Variants in BRINP3 observed in about 807,000 individuals in gnomAD.
BRINP3 encodes the protein BMP/retinoic acid-inducible neural-specific protein 3.
BRINP3 carries 19 observed loss-of-function variants against 71.0 expected under a neutral mutation model. The ratio of observed to expected loss-of-function variants is 0.27; its 90% CI spans 0.19 to 0.39. The LOEUF is 0.39. Among genes scored for constraint, BRINP3 ranks in the 10% least tolerant of loss-of-function variants. The pLI, the probability that BRINP3 is intolerant of heterozygous loss-of-function variation, is 1.00. For missense variants in BRINP3, 959 were observed against 940.8 expected, an observed-to-expected ratio of 1.02 and a Z score of -0.25; for synonymous variants, 380 against 337.7, an observed-to-expected ratio of 1.13 and a Z score of -1.37.
intron 6 of BRINP3, among the ~76,000 whole-genome samples, chr1:190,185,894 C>T (rs1258795662): frequency 1.3e-5 from 2 of 151,996 alleles, no homozygotes; most frequent in Non-Finnish European, 2.9e-5. Flanking sequence ...TATCATCCTT[C>T]TAGCTATTTG....
chr1:190,410,072 A>G (rs1672565532), intron 2 of BRINP3, among the ~76,000 whole-genome samples: 1 of 149,690 alleles, frequency 6.7e-6, no homozygotes, highest in Non-Finnish European at 1.5e-5. Flanking sequence ...TTCTTTATTT[A>G]TCCTTTGCTC....
intron 2 of BRINP3, among the ~76,000 whole-genome samples, chr1:190,446,283 G>T (rs1004601948): frequency 6.6e-6 from 1 of 151,958 alleles, no homozygotes; most frequent in African/African-American, 2.4e-5. Context: ...TTATTAATGT[G>T]TTTTGATGAT....
chr1:190,160,838 T>A lies in BRINP3; in HGVS notation c.1014A>T (p.Thr338=). Reference sequence around the variant, plus strand: ...TTGTCCACAAATGCATTATAGTAGATGTGTTGAGGAAATAATTCATAGGTA... The same window carrying A: ...TTGTCCACAAATGCATTATAGTAGAAGTGTTGAGGAAATAATTCATAGGTA... ...KRLPMNYFLN[T]STIMHLWTMD... Residue 338 remains threonine (T), a synonymous_variant, in exon 7 of 8, where the codon ACA becomes ACT. Coordinates refer to ENST00000367462, the MANE Select transcript of BRINP3 (RefSeq NM_199051.3). 1 of 1,613,324 alleles carries A rather than the reference T, an allele frequency of 6.2e-7. No individual in the cohort carries two copies. The highest frequency in any genetic ancestry group is 8.5e-7 in the Non-Finnish European group (1 of 1,179,588).
chr1:190,427,154 A>G (rs1447413899), intron 2 of BRINP3, among the ~76,000 whole-genome samples: 1 of 151,910 alleles, frequency 6.6e-6, no homozygotes, highest in Admixed American at 6.6e-5. Flanking sequence ...TCTAATTTCT[A>G]TGGGTATGAA....
chr1:190,341,884 C>T (rs548301165), intron 2 of BRINP3, among the ~76,000 whole-genome samples: 2 of 151,816 alleles, frequency 1.3e-5, no homozygotes, highest in African/African-American at 4.8e-5. Flanking sequence ...AATTTAGTGG[C>T]TTAAACATTA....
chr1:190,353,448 T>A (rs1456399983), intron 2 of BRINP3, among the ~76,000 whole-genome samples: 1 of 152,010 alleles, frequency 6.6e-6, no homozygotes, highest in Non-Finnish European at 1.5e-5. Context: ...AATGATACAA[T>A]TTGGTTTAAT....
At chr1:190,422,545 A>G (rs1396091456) in intron 2 of BRINP3, among the ~76,000 whole-genome samples, 1 of 151,804 alleles carries the variant, frequency 6.6e-6, no homozygotes, top group Non-Finnish European at 1.5e-5. Flanking sequence ...ATTCATCAGA[A>G]ATGTTCCCTG....
chr1:190,161,198 T>G (rs995406758), intron 6 of BRINP3, among the ~76,000 whole-genome samples: 2 of 152,038 alleles, frequency 1.3e-5, no homozygotes, highest in African/African-American at 4.8e-5. Flanking sequence ...TCTGTGTGCT[T>G]CTTTTAAACG....
At chr1:190,371,970 T>C (rs549105056) in intron 2 of BRINP3, among the ~76,000 whole-genome samples, 1 of 152,258 alleles carries the variant, frequency 6.6e-6, no homozygotes, top group African/African-American at 2.4e-5. Flanking sequence ...ACCTCATCAA[T>C]GTTAAAATGG....
At chr1:190,188,671 T>C (rs1253559167) in intron 6 of BRINP3, among the ~76,000 whole-genome samples, 1 of 152,192 alleles carries the variant, frequency 6.6e-6, no homozygotes, top group Non-Finnish European at 1.5e-5. Flanking sequence ...TTTGTATTGT[T>C]TGGATTATCT....
At chr1:190,234,527 C>A in intron 4 of BRINP3, 50 bp from the exon 5 acceptor site, 1 of 1,394,784 alleles carries the variant, frequency 7.2e-7, no homozygotes, top group Non-Finnish European at 1.0e-6. Flanking sequence ...TTTACAATGT[C>A]CTTTTGGTTC....
chr1:190,390,007 T>C (rs1671152359), intron 2 of BRINP3, among the ~76,000 whole-genome samples: 1 of 151,778 alleles, frequency 6.6e-6, no homozygotes, highest in African/African-American at 2.4e-5. Context: ...ATAAACACAT[T>C]TTTGTAAACT....
At chr1:190,366,621 C>A (rs1341347647) in intron 2 of BRINP3, among the ~76,000 whole-genome samples, 1 of 152,138 alleles carries the variant, frequency 6.6e-6, no homozygotes, top group African/African-American at 2.4e-5. Context: ...ATGCCAAAGT[C>A]TCATCTGAGA....
chr1:190,411,747 A>G (rs1322031758), intron 2 of BRINP3, among the ~76,000 whole-genome samples: 1 of 152,216 alleles, frequency 6.6e-6, no homozygotes, highest in Non-Finnish European at 1.5e-5. Flanking sequence ...TAAAAAAGGT[A>G]GAGTGAAATA....
At chr1:190,154,479 C>A (rs1039531145) in intron 7 of BRINP3, among the ~76,000 whole-genome samples, 3 of 152,110 alleles carry the variant, frequency 2.0e-5, no homozygotes, top group African/African-American at 7.2e-5. Context: ...AGACATTTTT[C>A]TTTTGCATTG....
chr1:190,219,391 A>G (rs1656677969), intron 6 of BRINP3, among the ~76,000 whole-genome samples: 1 of 152,128 alleles, frequency 6.6e-6, no homozygotes, highest in African/African-American at 2.4e-5. Flanking sequence ...TTATTAGAGA[A>G]ATTTAACAAA....
At chr1:190,380,106 G>T (rs970315713) in intron 2 of BRINP3, among the ~76,000 whole-genome samples, 7 of 151,912 alleles carry the variant, frequency 4.6e-5, no homozygotes, top group Non-Finnish European at 8.8e-5. Flanking sequence ...TTGCTGCTCT[G>T]AGTTGAATTT....
intron 3 of BRINP3, among the ~76,000 whole-genome samples, chr1:190,275,960 TATAG>T (rs199850510): frequency 0.035 from 5,343 of 150,518 alleles, 138 homozygotes; most frequent in Middle Eastern, 0.059. Flanking sequence ...TATATATATA[TATAG>T]AGAGAGAGAG....
intron 3 of BRINP3, among the ~76,000 whole-genome samples, chr1:190,265,537 T>TAA (rs35084760): frequency 1.9e-5 from 1 of 52,474 alleles, no homozygotes; most frequent in Admixed American, 3.1e-4. Flanking sequence ...CCGTCTCTAC[T>TAA]AAATATATAT....
Sources: allele counts gnomAD v4.1 joint callset (sites outside exome capture counted in the v4.1 genomes callset), GRCh38; gene constraint gnomAD v4.1.1; transcripts MANE v1.5; gene names NCBI Gene and HGNC (gene_info 2026-07-23, HGNC 2026-07-21).